SLC22A4: variants seen among roughly 807,000 people sequenced by gnomAD.
SLC22A4 encodes the protein solute carrier family 22 member 4, also known as ET transporter.
A neutral mutation model predicts 56.6 loss-of-function variants in SLC22A4; 39 were observed. The observed-to-expected ratio is 0.69, with a 90% CI of 0.53 to 0.90. The LOEUF (loss-of-function observed/expected upper bound fraction) is 0.90. SLC22A4 is among the 40% of genes least tolerant of loss of function. The pLI, the probability that SLC22A4 is intolerant of heterozygous loss-of-function variation, is 0.00. For synonymous variants in SLC22A4, 241 were observed against 281.4 expected (o/e 0.86, Z 1.44); for missense variants, 594 against 696.5 (o/e 0.85, Z 1.66).
At chr5:132,337,911 T>TG (rs1751076530) in intron 8 of SLC22A4, among the ~76,000 whole-genome samples, 1 of 151,136 alleles carries the variant, frequency 6.6e-6, no homozygotes, top group Admixed American at 6.6e-5. Context: ...AATTTTTTTT[T>TG]TTTTTGTATT....
intron 5 of SLC22A4, among the ~76,000 whole-genome samples, chr5:132,329,845 C>T (rs989215664): frequency 2.0e-5 from 3 of 152,172 alleles, no homozygotes; most frequent in African/African-American, 4.8e-5. Context: ...CACAATCACC[C>T]AAGTGCTTTA....
At chr5:132,340,063 G>GTTTTTTTTTT (rs4646203) in intron 8 of SLC22A4, among the ~76,000 whole-genome samples, 1 of 94,868 alleles carries the variant, frequency 1.1e-5, no homozygotes, top group African/African-American at 4.0e-5. Context: ...ATACTTAGTT[G>GTTTTTTTTTT]TTTTTTTTTT....
intron 1 of SLC22A4, among the ~76,000 whole-genome samples, chr5:132,303,565 T>A (rs1288516010): frequency 6.6e-6 from 1 of 150,854 alleles, no homozygotes; most frequent in Non-Finnish European, 1.5e-5. Flanking sequence ...CCAATGCCCA[T>A]CCCCCACCCA....
At chr5:132,325,962 T>C (rs1750676649) in intron 4 of SLC22A4, among the ~76,000 whole-genome samples, 2 of 152,194 alleles carry the variant, frequency 1.3e-5, no homozygotes, top group African/African-American at 4.8e-5. Context: ...CAAAAATTAC[T>C]ACCCTTTCCC....
intron 6 of SLC22A4, among the ~76,000 whole-genome samples, chr5:132,334,072 G>A (rs1162387689): frequency 6.6e-6 from 1 of 152,168 alleles, no homozygotes; most frequent in Non-Finnish European, 1.5e-5. Flanking sequence ...GTCTCCCAAA[G>A]TGCTGGGATT....
chr5:132,303,658 C>T (rs899339569), intron 1 of SLC22A4, among the ~76,000 whole-genome samples: 17 of 152,116 alleles, frequency 1.1e-4, no homozygotes, highest in Admixed American at 6.5e-4. Context: ...CCATCCTCCA[C>T]CCACCGCCTA....
chr5:132,319,613 A>G (rs1750473141), intron 3 of SLC22A4, among the ~76,000 whole-genome samples: 1 of 152,206 alleles, frequency 6.6e-6, no homozygotes, highest in African/African-American at 2.4e-5. Flanking sequence ...TTTGTTTGAG[A>G]TGGAGTTTCG....
Position 132,294,583 on chromosome 5 carries a change from C to G in SLC22A4, c.-34C>G. The G allele has an allele frequency of 1.2e-6, 2 of 1,614,020 alleles. No individual in the cohort carries two copies. Among genetic ancestry groups the G allele is most frequent in the South Asian group, 1.1e-5 (1 of 91,084 alleles). ...CTGTCCTGAGAACGCTGTCATCACC[C>G]GTAGTTGCAAGTTTCGGAGCGGCAG... On this transcript the variant is annotated 5_prime_UTR_variant, in exon 1 of 10. Coordinates refer to ENST00000200652, the MANE Select transcript of SLC22A4 (RefSeq NM_003059.3). The surrounding 1 kb of genome is among the most constrained non-coding windows in gnomAD (Gnocchi z 5.6).
rs1001700978 is a variant in SLC22A4, at chr5:132,294,747, G to A, written c.131G>A (p.Gly44Glu). The part of the protein sequence containing the change: ...FNGMSVVFLA[G>E]TPEHRCRVPD... ...GGTATGTCAGTCGTGTTCCTGGCGG[G>A]GACCCCGGAGCACCGCTGTCGAGTG... Residue 44 changes from glycine (G) to glutamate (E), a missense_variant, in exon 1 of 10, where the codon GGG becomes GAG. Physicochemically the swap from Gly to Glu is moderately conservative, Grantham distance 98 (BLOSUM62 -2). Coordinates refer to ENST00000200652, the MANE Select transcript of SLC22A4 (RefSeq NM_003059.3). This position sits in a 1 kb window ranked among gnomAD's most constrained non-coding sequence, Gnocchi z 5.6. 3 of 1,613,780 alleles carry A rather than the reference G, an allele frequency of 1.9e-6. No homozygotes were observed. Among genetic ancestry groups the A allele is most frequent in the Middle Eastern group, 3.3e-4 (2 of 6,084 alleles).
intron 5 of SLC22A4, among the ~76,000 whole-genome samples, chr5:132,327,961 C>T (rs949451413): frequency 2.6e-5 from 4 of 152,122 alleles, no homozygotes; most frequent in Admixed American, 6.6e-5. Flanking sequence ...CCTGACAGTT[C>T]GTGAGGATAT....
chr5:132,303,295 T>TACACACAC (rs57867025), intron 1 of SLC22A4, among the ~76,000 whole-genome samples: 221 of 150,832 alleles, frequency 1.5e-3, no homozygotes, highest in African/African-American at 5.1e-3. Flanking sequence ...CTGGTGAAAA[T>TACACACAC]ACACACACAC....
intron 1 of SLC22A4, among the ~76,000 whole-genome samples, chr5:132,310,086 C>G (rs1273118542): frequency 5.3e-5 from 8 of 152,222 alleles, no homozygotes; most frequent in Non-Finnish European, 1.0e-4. Flanking sequence ...CTCCTGGTAT[C>G]ACATTCCTTG....
chr5:132,337,018 T>A (rs1008196354), intron 8 of SLC22A4, among the ~76,000 whole-genome samples: 1 of 152,220 alleles, frequency 6.6e-6, no homozygotes, highest in African/African-American at 2.4e-5. Context: ...ATGTAGGTCA[T>A]TTCCAGGTTT....
intron 1 of SLC22A4, among the ~76,000 whole-genome samples, chr5:132,307,252 T>C (rs1270445433): frequency 1.3e-5 from 2 of 152,204 alleles, no homozygotes; most frequent in African/African-American, 2.4e-5. Context: ...CTGGGGTGGA[T>C]GTATAGTCCA....
intron 8 of SLC22A4, among the ~76,000 whole-genome samples, chr5:132,338,346 G>A (rs1384522166): frequency 1.3e-5 from 2 of 152,148 alleles, no homozygotes; most frequent in African/African-American, 4.8e-5. Flanking sequence ...ATATCACAAG[G>A]CAAATGGAGG....
rs1440525753 is a variant in SLC22A4 at position 132,343,834 on chromosome 5, G to A, written c.1655G>A (p.Ter552=). 6.3e-7 allele frequency: 1 copy of A among 1,586,504 alleles called. No individual in the cohort carries two copies. The highest frequency in any genetic ancestry group is 1.3e-5 in the African/African-American group (1 of 74,314). ...ENPKVLITAF[*] The stretch of plus-strand genomic sequence containing the variant: ...CCCAAGGTTCTAATAACTGCATTCT[G>A]AAAAAATATCTACCCCATTTGGTGA... The change falls in exon 10 of 10, where the codon TGA becomes TAA. Residue 552 remains the stop codon, a stop_retained_variant. Transcript: ENST00000200652.
intron 1 of SLC22A4, among the ~76,000 whole-genome samples, chr5:132,310,052 C>G (rs1750143414): frequency 6.6e-6 from 1 of 152,266 alleles, no homozygotes; most frequent in Non-Finnish European, 1.5e-5. Context: ...TGGAGGCCTT[C>G]TACTCCTAGT....
At chr5:132,325,283 A>G (rs987171336) in intron 4 of SLC22A4, among the ~76,000 whole-genome samples, 1 of 152,244 alleles carries the variant, frequency 6.6e-6, no homozygotes, top group African/African-American at 2.4e-5. Context: ...AGCCACATGC[A>G]GCTATTTAAG....
Position 132,312,278 on chromosome 5 carries a change from A to C in SLC22A4, c.497+14A>C. The stretch of plus-strand genomic sequence containing the variant: ...GCTGTCAGACAGGTAAGCACATGGG[A>C]GGGGAGGAAGGTGGGATGGTGCCCC... On this transcript the variant is annotated intron_variant, in intron 2 of 9. Transcript: ENST00000200652. 1 of 1,510,812 alleles carries C rather than the reference A, an allele frequency of 6.6e-7. No individual in the cohort carries two copies. Among genetic ancestry groups the C allele is most frequent in the Non-Finnish European group, 9.2e-7 (1 of 1,085,786 alleles). 93.6% of individuals were successfully genotyped at this position (1,510,812 alleles called of 1,614,324 possible).
Sources: gnomAD v4.1 joint callset for allele counts (sites outside exome capture counted in the v4.1 genomes callset) on GRCh38, gnomAD v4.1.1 for gene constraint, Gnocchi (gnomAD v3.1) non-coding constraint, MANE v1.5 for transcripts, NCBI Gene and HGNC (gene_info 2026-07-23, HGNC 2026-07-21) for gene names.